Variants in LRP1B observed in about 807,000 individuals in gnomAD.
The protein encoded by LRP1B is low-density lipoprotein receptor-related protein 1B.
LRP1B carries 217 observed loss-of-function variants against 556.6 expected under a neutral mutation model. That is an observed-to-expected ratio of 0.39 (90% CI 0.35 to 0.44). The LOEUF is 0.44. Ranked by LOEUF, LRP1B falls within the 20% of genes least tolerant of loss-of-function variation. LRP1B has a pLI of 1.00. For missense variants in LRP1B, 5,053 were observed against 5,620.8 expected, an observed-to-expected ratio of 0.90 and a Z score of 3.23; for synonymous variants, 2,047 against 1,865.8, an observed-to-expected ratio of 1.10 and a Z score of -2.50.
chr2:141,603,532 T>A (rs1687821755), intron 2 of LRP1B, among the ~76,000 whole-genome samples: 1 of 152,126 alleles, frequency 6.6e-6, no homozygotes, highest in African/African-American at 2.4e-5. Context: ...AAAGTTATAG[T>A]GGGATCATTC....
At chr2:141,607,893 A>T (rs1687974114) in intron 2 of LRP1B, among the ~76,000 whole-genome samples, 1 of 152,162 alleles carries the variant, frequency 6.6e-6, no homozygotes, top group Non-Finnish European at 1.5e-5. Context: ...ACTGCCCTTC[A>T]GCCTGGGTGA....
chr2:141,203,278 C>T (rs1240167467), intron 6 of LRP1B, among the ~76,000 whole-genome samples: 1 of 151,886 alleles, frequency 6.6e-6, no homozygotes, highest in Admixed American at 6.6e-5. Flanking sequence ...CATTGGTGTG[C>T]CGTATTCAGG....
intron 1 of LRP1B, among the ~76,000 whole-genome samples, chr2:141,944,173 T>C (rs982800034): frequency 2.0e-5 from 3 of 152,098 alleles, no homozygotes; most frequent in South Asian, 2.1e-4. Flanking sequence ...GAGACGTTCA[T>C]CCCAGCTGGG....
rs13032279 is a variant in LRP1B at position 141,155,486 on chromosome 2, A to T, written c.1013+32935T>A. Among the ~76,000 whole-genome samples, 7 of 137,636 alleles carry T rather than the reference A, an allele frequency of 5.1e-5. No homozygotes were observed. In the South Asian group the frequency reaches 7.2e-4, roughly 14 times the overall value. The allele number at this position is 137,636 out of a possible 152,430, so 90.3% of individuals were successfully genotyped here. A position where few individuals can be genotyped will look rare whatever the true frequency, so the allele number is the denominator to read the frequency against. On this transcript the variant is annotated intron_variant, in intron 7 of 90. Transcript: ENST00000389484. ...ATTTTATTTTTTTCTTTTTATTATT[A>T]TTTTTTTTTATTTTAAGTTCTGGGA... is the stretch of plus-strand genomic sequence containing the variant.
chr2:141,730,575 A>G (rs940766727), intron 2 of LRP1B, among the ~76,000 whole-genome samples: 5 of 152,126 alleles, frequency 3.3e-5, no homozygotes, highest in African/African-American at 9.7e-5. Flanking sequence ...TTGTCCCTCC[A>G]TCTCCAGCTA....
intron 3 of LRP1B, among the ~76,000 whole-genome samples, chr2:141,320,327 A>G (rs1687190368): frequency 6.6e-6 from 1 of 152,110 alleles, no homozygotes; most frequent in African/African-American, 2.4e-5. Context: ...AGTGCGCAGT[A>G]AGGAAATAAA....
intron 20 of LRP1B, among the ~76,000 whole-genome samples, chr2:140,926,767 T>C (rs1208169024): frequency 6.6e-6 from 1 of 152,178 alleles, no homozygotes; most frequent in Non-Finnish European, 1.5e-5. Flanking sequence ...TACATGATGC[T>C]TTTTATTGAT....
chr2:140,709,019 AAACT>A (rs1686938894), intron 37 of LRP1B, among the ~76,000 whole-genome samples: 1 of 152,066 alleles, frequency 6.6e-6, no homozygotes, highest in Non-Finnish European at 1.5e-5. Context: ...AACAGGTGTT[AAACT>A]GTCAACCAAG....
intron 21 of LRP1B, among the ~76,000 whole-genome samples, chr2:140,918,135 TC>T (rs1273147358): frequency 2.0e-5 from 3 of 152,018 alleles, no homozygotes; most frequent in Non-Finnish European, 2.9e-5. Flanking sequence ...TGAAGTATGA[TC>T]CTAGTTTCCA....
chr2:141,185,697 C>CAAA (rs533419513), intron 7 of LRP1B, among the ~76,000 whole-genome samples: 2 of 77,792 alleles, frequency 2.6e-5, no homozygotes, highest in African/African-American at 8.1e-5. Flanking sequence ...CAAAAAAAAA[C>CAAA]AAAAAAAAAA....
intron 7 of LRP1B, among the ~76,000 whole-genome samples, chr2:141,084,142 T>C (rs1272312148): frequency 1.3e-5 from 2 of 152,188 alleles, no homozygotes; most frequent in African/African-American, 2.4e-5. Context: ...AATCTTAGCA[T>C]TGAAAAAATG....
chr2:141,972,186 G>T (rs1404586485), intron 1 of LRP1B, among the ~76,000 whole-genome samples: 1 of 151,428 alleles, frequency 6.6e-6, no homozygotes. Flanking sequence ...TATTTTAAAT[G>T]CATGCGACAG....
chr2:141,035,078 A>G (rs962804297), intron 11 of LRP1B, among the ~76,000 whole-genome samples: 1 of 152,026 alleles, frequency 6.6e-6, no homozygotes, highest in African/African-American at 2.4e-5. Context: ...GAAATTGGAA[A>G]TCATCATTCT....
chr2:141,450,659 T>C (rs1432686883), intron 3 of LRP1B, among the ~76,000 whole-genome samples: 3 of 151,832 alleles, frequency 2.0e-5, no homozygotes, highest in Non-Finnish European at 2.9e-5. Flanking sequence ...AAATAAAAAT[T>C]ATTTAGCTCT....
intron 56 of LRP1B, 132 bp from the exon 57 acceptor site, chr2:140,492,825 G>T: frequency 1.6e-6 from 1 of 635,460 alleles, no homozygotes. Flanking sequence ...GGTTTAAAAA[G>T]GATCATACTG....
intron 18 of LRP1B, among the ~76,000 whole-genome samples, chr2:140,956,316 T>C (rs1695871217): frequency 6.6e-6 from 1 of 151,690 alleles, no homozygotes. Flanking sequence ...AATGCCAAAA[T>C]ACATTATTTT....
At chr2:141,052,127 A>C (rs1699052937) in intron 10 of LRP1B, among the ~76,000 whole-genome samples, 1 of 152,000 alleles carries the variant, frequency 6.6e-6, no homozygotes, top group South Asian at 2.1e-4. Context: ...TCAATTTAGC[A>C]TTTCACACAT....
intron 41 of LRP1B, among the ~76,000 whole-genome samples, chr2:140,637,229 C>T (rs999315231): frequency 1.2e-4 from 18 of 152,168 alleles, no homozygotes; most frequent in Admixed American, 9.8e-4. Flanking sequence ...GAATGATACC[C>T]TGGAAAGAAG....
Position 141,913,123 on chromosome 2 carries a change from T to C in LRP1B, c.83-102722A>G, listed in dbSNP as rs184668631. Reference sequence around the variant, plus strand: ...TTTCAGTTTTGAAGGATGAAACACGTTCTGAAGATGGTGGTGATGGTTGCA... The same window carrying C: ...TTTCAGTTTTGAAGGATGAAACACGCTCTGAAGATGGTGGTGATGGTTGCA... On this transcript the variant is annotated intron_variant, in intron 1 of 90. Coordinates refer to ENST00000389484, the MANE Select transcript of LRP1B (RefSeq NM_018557.3). Among the ~76,000 whole-genome samples, 3 of 152,300 alleles carry C rather than the reference T, an allele frequency of 2.0e-5. No homozygotes were observed. In the East Asian group the frequency reaches 5.8e-4, roughly 29 times the overall value.
Sources: gnomAD v4.1 joint callset for allele counts (sites outside exome capture counted in the v4.1 genomes callset) on GRCh38, gnomAD v4.1.1 for gene constraint, MANE v1.5 for transcripts, NCBI Gene and HGNC (gene_info 2026-07-23, HGNC 2026-07-21) for gene names.